POLD2: variants seen among roughly 807,000 people sequenced by gnomAD.
POLD2 encodes the protein DNA polymerase delta subunit 2.
In POLD2, 31 loss-of-function variants were observed where a neutral mutation model predicts 48.8. The observed-to-expected ratio is 0.64, with a 90% CI of 0.48 to 0.86. The LOEUF (loss-of-function observed/expected upper bound fraction) is 0.86, where lower values mean the gene tolerates loss of function less well. Ranked by LOEUF, POLD2 falls within the 40% of genes least tolerant of loss-of-function variation. POLD2 has a pLI of 0.00. For missense variants in POLD2, 455 were observed against 610.1 expected, an observed-to-expected ratio of 0.75 and a Z score of 2.68; for synonymous variants, 233 against 256.3, an observed-to-expected ratio of 0.91 and a Z score of 0.87.
intron 10 of POLD2, 137 bp from the exon 11 acceptor site, chr7:44,115,082 G>T: frequency 1.1e-6 from 1 of 885,026 alleles, no homozygotes; most frequent in Non-Finnish European, 1.7e-6. Flanking sequence ...TTAGCCTTGA[G>T]AGGCACACAG....
In POLD2 at chr7:44,115,275, C is replaced by A; in HGVS notation, c.1249+20G>T. The A allele has an allele frequency of 6.5e-7, 1 of 1,538,344 alleles. No individual in the cohort carries two copies. The highest frequency in any genetic ancestry group is 1.4e-5 in the African/African-American group (1 of 73,486). On this transcript the variant is annotated intron_variant, in intron 10 of 10. Coordinates refer to ENST00000610533, the MANE Select transcript of POLD2 (RefSeq NM_006230.4). ...AGCAAATCAGCAAATCAGCCTGGGCCCCCAGAAGACAAAAATTACCTCGGA... is the reference window on the plus strand; with the variant it reads ...AGCAAATCAGCAAATCAGCCTGGGCACCCAGAAGACAAAAATTACCTCGGA...
In POLD2 at chr7:44,117,209, C is replaced by G; in HGVS notation, c.505G>C (p.Gly169Arg). Residue 169 changes from glycine to arginine, a missense_variant, in exon 5 of 11, where the codon GGG becomes CGG. This residue lies in a region of POLD2 where 349 missense variants were observed against 437.4 expected (regional missense o/e 0.80). Transcript: ENST00000610533. ...LAVFGSVRDDGKFLVEDYCFA... is the reference protein window; with the variant it reads ...LAVFGSVRDDRKFLVEDYCFA... ...CAATAGTCCTCCACCAGAAACTTCC[C>G]GTCGTCTCTCACGGAGCCAAACACA... The G allele has an allele frequency of 6.2e-7, 1 of 1,614,004 alleles. No homozygotes were observed. The highest frequency in any genetic ancestry group is 8.5e-7 in the Non-Finnish European group (1 of 1,179,934).
chr7:44,115,057 A>G lies in POLD2; in HGVS notation c.1250-112T>C, dbSNP rs1055671660. On this transcript the variant is annotated intron_variant, in intron 10 of 10. Coordinates refer to ENST00000610533, the MANE Select transcript of POLD2 (RefSeq NM_006230.4). The stretch of plus-strand genomic sequence containing the variant: ...ATTGGCACACAGTGGGGCAGTGACA[A>G]TAGGAGACCAGAGATTAGCCTTGAG... 14 of 982,154 alleles carry G rather than the reference A, an allele frequency of 1.4e-5. No individual in the cohort carries two copies. In the African/African-American group the frequency reaches 2.1e-4, roughly 15 times the overall value. 60.8% of individuals were successfully genotyped at this position (982,154 alleles called of 1,614,324 possible).
At chr7:44,123,148 T>G in intron 1 of POLD2, 1 of 707,992 alleles carries the variant, frequency 1.4e-6, no homozygotes, top group Non-Finnish European at 1.9e-6. Flanking sequence ...TCCAATTGAT[T>G]TGTTTCGTTT....
Position 44,117,956 on chromosome 7 carries a change from T to A in POLD2, c.329A>T (p.Glu110Val), listed in dbSNP as rs200567605. The A allele has an allele frequency of 7.4e-6, 12 of 1,613,954 alleles. No individual in the cohort carries two copies. The East Asian group carries it at 2.7e-4, about 36-fold the overall frequency. Residue 110 changes from glutamate (E) to valine (V), a missense_variant, in exon 3 of 11, where the codon GAG (glutamate) becomes GTG (valine). Coordinates refer to ENST00000610533, the MANE Select transcript of POLD2 (RefSeq NM_006230.4). ...ACCCTGCCTCACCTCCTCGCTGACC[T>A]CCCGCAGGATGGAGGGCTGCAGCGG... Reference protein sequence around the residue: ...AMPLQPSILREVSEEHNLLPQ... With the variant: ...AMPLQPSILRVVSEEHNLLPQ...
rs368939912 is a variant in POLD2 at position 44,116,312 on chromosome 7, A to G, written c.862-40T>C. ...GCAGGGAGAGCTCACAGGGCCCCGA[A>G]GGAGCCCCCTACACCAACTCCGGCC... is the stretch of plus-strand genomic sequence containing the variant. On this transcript the variant is annotated intron_variant, in intron 7 of 10. Coordinates refer to ENST00000610533, the MANE Select transcript of POLD2 (RefSeq NM_006230.4). The surrounding 1 kb of genome is among the most constrained non-coding windows in gnomAD (Gnocchi z 6.1). The G allele has an allele frequency of 3.1e-6, 5 of 1,596,276 alleles. No individual in the cohort carries two copies. In the African/African-American group the frequency reaches 5.4e-5, roughly 17 times the overall value.
In POLD2 at chr7:44,116,525, C is replaced by A; in HGVS notation, c.781-15G>T. ...AGGTATTTGGCCTGGAATAGAAGCC[C>A]AGAAGGCCATCAGGCCCAGGCGAGT... On this transcript the variant is annotated splice_polypyrimidine_tract_variant and intron_variant, in intron 6 of 10. Transcript: ENST00000610533. The surrounding 1 kb of genome is among the most constrained non-coding windows in gnomAD (Gnocchi z 6.1). The A allele has an allele frequency of 1.3e-6, 2 of 1,561,146 alleles. No individual in the cohort carries two copies. The highest frequency in any genetic ancestry group is 1.7e-6 in the Non-Finnish European group (2 of 1,151,122).
Position 44,115,869 on chromosome 7 carries a change from G to A in POLD2, c.1044C>T (p.Asn348=), listed in dbSNP as rs764070568. ...GVRFLGTSGQ[N]VSDIFRYSSM... ...TGCTGTATCGGAAAATGTCACTCAC[G>A]TTCTGTCCTGATGTCCCCAAAAATC... The change falls in exon 9 of 11, where the codon AAC becomes AAT. Residue 348 remains asparagine (N), a synonymous_variant. Coordinates refer to ENST00000610533, the MANE Select transcript of POLD2 (RefSeq NM_006230.4). 19 of 1,614,082 alleles carry A rather than the reference G, an allele frequency of 1.2e-5. No individual in the cohort carries two copies. The East Asian group carries it at 1.3e-4, about 11-fold the overall frequency.
At chr7:44,118,110 C>A in intron 2 of POLD2, 46 bp from the exon 3 acceptor site, 1 of 1,604,886 alleles carries the variant, frequency 6.2e-7, no homozygotes, top group Non-Finnish European at 8.5e-7. Context: ...AGCCCCCCCG[C>A]CCGACAGAGG....
intron 4 of POLD2, 70 bp downstream of exon 4, chr7:44,117,549 C>A: frequency 6.5e-7 from 1 of 1,542,434 alleles, no homozygotes; most frequent in Non-Finnish European, 8.8e-7. Flanking sequence ...TCCCCACTCA[C>A]ACCATCCCTA....
chr7:44,117,152 G>T lies in POLD2; in HGVS notation c.562C>A (p.Pro188Thr), dbSNP rs774754887. The T allele has an allele frequency of 3.7e-6, 6 of 1,613,870 alleles. No individual in the cohort carries two copies. Among genetic ancestry groups the T allele is most frequent in the East Asian group, 2.2e-5 (1 of 44,884 alleles). The change falls in exon 5 of 11, where the codon CCC (proline) becomes ACC (threonine). Residue 188 changes from proline (P) to threonine (T), a missense_variant. This residue lies in a region of POLD2 where 349 missense variants were observed against 437.4 expected (regional missense o/e 0.80). Coordinates refer to ENST00000610533, the MANE Select transcript of POLD2 (RefSeq NM_006230.4). ...GCTCACCTATCTGTGTCAAGTGGGGGTGCGGGCTTCTGGGGAGCAAGGTCA... is the reference window on the plus strand; with the variant it reads ...GCTCACCTATCTGTGTCAAGTGGGGTTGCGGGCTTCTGGGGAGCAAGGTCA... ...FADLAPQKPA[P>T]PLDTDRFVLL...
rs2096247627 is a variant in POLD2, at chr7:44,121,167, T to A, written c.220+667A>T. Among the ~76,000 whole-genome samples, 1 of 152,096 alleles carries A rather than the reference T, an allele frequency of 6.6e-6. No individual in the cohort carries two copies. The highest frequency in any genetic ancestry group is 2.4e-5 in the African/African-American group (1 of 41,382). On this transcript the variant is annotated intron_variant, in intron 2 of 10. Transcript: ENST00000610533. The surrounding 1 kb of genome is among the most constrained non-coding windows in gnomAD (Gnocchi z 4.5). ...AATTACCTGGAAAGCCACTCTTATG[T>A]AAGTGGTAGGAATGGGGGAATGCAG...
At position 44,116,429 on chromosome 7, in the gene POLD2, C is replaced by A; in HGVS notation, c.861+1G>T. 1.3e-6 allele frequency: 2 copies of A among 1,576,388 alleles called. No individual in the cohort carries two copies. The highest frequency in any genetic ancestry group is 1.7e-6 in the Non-Finnish European group (2 of 1,160,374). ...ACCCCTCCAGCCCCCAGCTCGCTCA[C>A]GCTCAGCTGCAGGAGGATCTCATCC... On this transcript the variant is annotated splice_donor_variant, in intron 7 of 10. Coordinates refer to ENST00000610533, the MANE Select transcript of POLD2 (RefSeq NM_006230.4). LOFTEE classifies it high-confidence loss of function. The surrounding 1 kb of genome is among the most constrained non-coding windows in gnomAD (Gnocchi z 6.1).
Position 44,122,292 on chromosome 7 carries a change from T to C in POLD2, c.-56-183A>G, listed in dbSNP as rs1179634617. On this transcript the variant is annotated intron_variant, in intron 1 of 10. Coordinates refer to ENST00000610533, the MANE Select transcript of POLD2 (RefSeq NM_006230.4). The stretch of plus-strand genomic sequence containing the variant: ...ATACCGATGTCTCACCCTGTAGCGG[T>C]CATCCAAAAAGAGAAAAGGAAAGCT... 81 of 1,398,578 alleles carry C rather than the reference T, an allele frequency of 5.8e-5. 1 individual carries two copies. The East Asian group carries it at 1.6e-3, about 28-fold the overall frequency. The allele number at this position is 1,398,578 out of a possible 1,614,324, so 86.6% of individuals were successfully genotyped here.
At chr7:44,122,787 T>C (rs1448129936) in intron 1 of POLD2, 1 of 152,360 alleles carries the variant, frequency 6.6e-6, no homozygotes, top group African/African-American at 2.4e-5. Context: ...CTTCAAGTTC[T>C]TACATCTTTA....
intron 2 of POLD2, among the ~76,000 whole-genome samples, chr7:44,119,655 G>C (rs1022357520): frequency 6.6e-6 from 1 of 152,244 alleles, no homozygotes; most frequent in Non-Finnish European, 1.5e-5. Context: ...TGGGATCCAA[G>C]TGTATGCCCC....
Position 44,115,780 on chromosome 7 carries a change from G to C in POLD2, c.1133C>G (p.Ala378Gly), listed in dbSNP as rs746276537. Residue 378 changes from alanine to glycine, a missense_variant, in exon 9 of 11, where the codon GCC becomes GGC. Ala to Gly is a moderately conservative substitution (Grantham distance 60, BLOSUM62 0). Transcript: ENST00000610533. Reference sequence around the variant, plus strand: ...GAGCCTGTTACCTAGAGTGTCAGGGGCTGTGGGGCTGATGTGACGGACCCG... The same window carrying C: ...GAGCCTGTTACCTAGAGTGTCAGGGCCTGTGGGGCTGATGTGACGGACCCG... ...TLRVRHISPT[A>G]PDTLGCYPFY... 4 of 1,613,738 alleles carry C rather than the reference G, an allele frequency of 2.5e-6. No individual in the cohort carries two copies. Among genetic ancestry groups the C allele is most frequent in the Non-Finnish European group, 3.4e-6 (4 of 1,180,002 alleles).
chr7:44,119,372 C>A (rs975295112), intron 2 of POLD2, among the ~76,000 whole-genome samples: 1 of 152,118 alleles, frequency 6.6e-6, no homozygotes, highest in South Asian at 2.1e-4. Context: ...ACAGCCTGAG[C>A]CCCTGCTGCC....
rs1401556848 is a variant in POLD2 at position 44,116,447 on chromosome 7, T to A, written c.844A>T (p.Ile282Phe). 6.3e-7 allele frequency: 1 copy of A among 1,581,520 alleles called. No homozygotes were observed. The highest frequency in any genetic ancestry group is 1.2e-5 in the South Asian group (1 of 86,718). The change falls in exon 7 of 11, where the codon ATC becomes TTC. Residue 282 changes from isoleucine (I) to phenylalanine (F), a missense_variant. By Grantham distance (21) the Ile-to-Phe change is conservative. Around this residue, in one of 3 missense-constraint regions of POLD2, gnomAD observed 349 missense variants for 437.4 expected, o/e 0.80. Coordinates refer to ENST00000610533, the MANE Select transcript of POLD2 (RefSeq NM_006230.4). This position sits in a 1 kb window ranked among gnomAD's most constrained non-coding sequence, Gnocchi z 6.1. ...TCGCTCACGCTCAGCTGCAGGAGGATCTCATCCAGCATCTTAACAGCCTCC... is the reference window on the plus strand; with the variant it reads ...TCGCTCACGCTCAGCTGCAGGAGGAACTCATCCAGCATCTTAACAGCCTCC... ...SVEAVKMLDE[I>F]LLQLSASVPV...
Sources: allele counts gnomAD v4.1 joint callset (sites outside exome capture counted in the v4.1 genomes callset), GRCh38; gene constraint gnomAD v4.1.1; regional missense constraint gnomAD v4.1.1; non-coding constraint Gnocchi (gnomAD v3.1); transcripts MANE v1.5; gene names NCBI Gene and HGNC (gene_info 2026-07-23, HGNC 2026-07-21).